RHOU: variants seen among roughly 807,000 people sequenced by gnomAD.
RHOU encodes the protein rho-related GTP-binding protein RhoU.
Under a neutral mutation model 12.6 loss-of-function variants are expected in RHOU, and 8 were observed. The ratio of observed to expected loss-of-function variants is 0.64; its 90% CI spans 0.37 to 1.15. The LOEUF is 1.15. Among genes scored for constraint, RHOU ranks in the 50% most tolerant of loss-of-function variants. The probability of loss-of-function intolerance (pLI) is 0.01; values close to 1 mark genes in which losing one functional copy is unlikely to be tolerated. For synonymous variants in RHOU, 161 were observed against 147.4 expected, an observed-to-expected ratio of 1.09 and a Z score of -0.67; for missense variants, 258 against 347.0, an observed-to-expected ratio of 0.74 and a Z score of 2.04.
the RHOU span, chr1:228,687,786 T>A: frequency 3.0e-6 from 4 of 1,347,796 alleles, no homozygotes; most frequent in South Asian, 4.7e-5. Flanking sequence ...GGAATACCTC[T>A]TAGACAAGCA....
At chr1:228,662,756 A>G in the RHOU span, among the ~76,000 whole-genome samples, 1 of 152,158 alleles carries the variant, frequency 6.6e-6, no homozygotes, top group African/African-American at 2.4e-5. Context: ...GATGCAGCAA[A>G]CCAACATGGC....
the RHOU span, among the ~76,000 whole-genome samples, chr1:228,697,810 A>G: frequency 1.4e-3 from 206 of 152,308 alleles, no homozygotes; most frequent in African/African-American, 3.7e-3. Context: ...AATGATTTTC[A>G]TGGGTAGTTA....
the RHOU span, among the ~76,000 whole-genome samples, chr1:228,657,319 T>TA: frequency 8.8e-4 from 65 of 74,168 alleles, no homozygotes; most frequent in African/African-American, 2.3e-3. Context: ...AGAAAAAGAA[T>TA]AAAAAAAAAA....
chr1:228,692,519 T>C, the RHOU span, among the ~76,000 whole-genome samples: 1 of 152,208 alleles, frequency 6.6e-6, no homozygotes, highest in African/African-American at 2.4e-5. Flanking sequence ...AGATTAGAGA[T>C]AGATGGACTT....
chr1:228,726,979 T>C, the RHOU span, among the ~76,000 whole-genome samples: 1 of 152,196 alleles, frequency 6.6e-6, no homozygotes, highest in Non-Finnish European at 1.5e-5. Context: ...ATCTTCTGAC[T>C]TTCTGTTGCA....
Position 228,735,640 on chromosome 1 carries a change from C to G in RHOU, c.-103C>G, listed in dbSNP as rs1463093247. The G allele has an allele frequency of 3.2e-6, 3 of 924,904 alleles. No homozygotes were observed. In the African/African-American group the frequency reaches 5.3e-5, roughly 16 times the overall value. The allele number at this position is 924,904 out of a possible 1,614,324, so 57.3% of individuals were successfully genotyped here. On this transcript the variant is annotated 5_prime_UTR_variant, in exon 1 of 3. Coordinates refer to ENST00000366691, the MANE Select transcript of RHOU (RefSeq NM_021205.6). This position sits in a 1 kb window ranked among gnomAD's most constrained non-coding sequence, Gnocchi z 8.1. Reference sequence around the variant, plus strand: ...CTCTCCAGGGCCGGGGACGCGCCCGCAGCTGTCGGTGACAGCTCCTCCCTA... The same window carrying G: ...CTCTCCAGGGCCGGGGACGCGCCCGGAGCTGTCGGTGACAGCTCCTCCCTA...
chr1:228,720,752 T>C, the RHOU span, among the ~76,000 whole-genome samples: 1 of 152,142 alleles, frequency 6.6e-6, no homozygotes, highest in Non-Finnish European at 1.5e-5. Context: ...CAAACTAATT[T>C]TACAGATGAG....
At chr1:228,727,172 C>T in the RHOU span, among the ~76,000 whole-genome samples, 2 of 152,346 alleles carry the variant, frequency 1.3e-5, no homozygotes, top group East Asian at 1.9e-4. Flanking sequence ...AATGACTACA[C>T]CTCTGCTCTT....
At chr1:228,691,808 T>C in the RHOU span, among the ~76,000 whole-genome samples, 2 of 152,318 alleles carry the variant, frequency 1.3e-5, no homozygotes, top group South Asian at 4.1e-4. Flanking sequence ...ACCCAAACAG[T>C]ACAGCTATAA....
chr1:228,705,084 G>A, the RHOU span, among the ~76,000 whole-genome samples: 2 of 151,636 alleles, frequency 1.3e-5, no homozygotes, highest in African/African-American at 4.8e-5. Flanking sequence ...TTATAGGCAT[G>A]AGCCACCACA....
In RHOU at chr1:228,745,782, G is replaced by C. The variant is rs1246822683; in HGVS notation, c.*2042G>C. On this transcript the variant is annotated 3_prime_UTR_variant, in exon 3 of 3. Transcript: ENST00000366691. ...CTGCCTGTCTGGTGCCTGGAGGTGT[G>C]GGAGGGAAGATGAGTTATTTAACTG... The C allele has an allele frequency of 1.3e-5, 2 of 152,232 alleles. No homozygotes were observed. Among genetic ancestry groups the C allele is most frequent in the Non-Finnish European group, 2.9e-5 (2 of 68,036 alleles). The allele number at this position is 152,232 out of a possible 1,614,324, so 9.4% of individuals were successfully genotyped here.
the RHOU span, among the ~76,000 whole-genome samples, chr1:228,706,911 C>G: frequency 1.3e-5 from 2 of 151,278 alleles, no homozygotes; most frequent in Non-Finnish European, 2.9e-5. Flanking sequence ...AGCTTCTTTT[C>G]AATTCTTATC....
chr1:228,680,083 A>G, the RHOU span, among the ~76,000 whole-genome samples: 5 of 152,174 alleles, frequency 3.3e-5, no homozygotes, highest in Admixed American at 2.6e-4. Flanking sequence ...CAAGGGAAAC[A>G]CACCCTTGAA....
At chr1:228,705,546 G>T in the RHOU span, among the ~76,000 whole-genome samples, 2 of 152,088 alleles carry the variant, frequency 1.3e-5, no homozygotes, top group Non-Finnish European at 2.9e-5. Flanking sequence ...GAAACAAAGG[G>T]GCTAAAATGC....
the RHOU span, among the ~76,000 whole-genome samples, chr1:228,707,254 T>G: frequency 0.063 from 1,800 of 28,554 alleles, 13 homozygotes; most frequent in East Asian, 0.15. Flanking sequence ...TATATATATA[T>G]AGTGTGTGTG....
chr1:228,655,047 T>C, the RHOU span, among the ~76,000 whole-genome samples: 2 of 152,102 alleles, frequency 1.3e-5, no homozygotes, highest in African/African-American at 4.8e-5. Context: ...CATTTAATCC[T>C]AGGTTCATGG....
the RHOU span, among the ~76,000 whole-genome samples, chr1:228,697,922 T>C: frequency 4.6e-5 from 7 of 152,216 alleles, no homozygotes; most frequent in Non-Finnish European, 1.0e-4. Flanking sequence ...CCTAGCTTGA[T>C]CTACTTAATA....
chr1:228,687,903 T>A, the RHOU span: 3 of 796,146 alleles, frequency 3.8e-6, no homozygotes, highest in Admixed American at 3.6e-5. Context: ...TAACATATTG[T>A]TCTCCCCCTC....
In RHOU at chr1:228,743,410, C is replaced by T. The variant is rs1662763567; in HGVS notation, c.447C>T (p.Cys149=). The change falls in exon 3 of 3, where the codon TGC becomes TGT. Residue 149 remains cysteine (C), a synonymous_variant. Coordinates refer to ENST00000366691, the MANE Select transcript of RHOU (RefSeq NM_021205.6). The surrounding 1 kb of genome is among the most constrained non-coding windows in gnomAD (Gnocchi z 5.1). Reference sequence around the variant, plus strand: ...AGAAATGGGTGCCGGAGATTCGATGCCACTGTCCCAAAGCCCCCATCATCC... The same window carrying T: ...AGAAATGGGTGCCGGAGATTCGATGTCACTGTCCCAAAGCCCCCATCATCC... ...VSEKWVPEIR[C]HCPKAPIILV... The T allele has an allele frequency of 6.2e-7, 1 of 1,614,044 alleles. No homozygotes were observed. The highest frequency in any genetic ancestry group is 1.7e-5 in the Admixed American group (1 of 60,000).
Sources: gnomAD v4.1 joint callset for allele counts (sites outside exome capture counted in the v4.1 genomes callset) on GRCh38, gnomAD v4.1.1 for gene constraint, Gnocchi (gnomAD v3.1) non-coding constraint, MANE v1.5 for transcripts, NCBI Gene and HGNC (gene_info 2026-07-23, HGNC 2026-07-21) for gene names.